IL1RAPL1: variants seen among roughly 807,000 people sequenced by gnomAD.
IL1RAPL1 encodes interleukin 1 receptor accessory protein like 1.
IL1RAPL1 carries 3 observed loss-of-function variants against 48.4 expected under a neutral mutation model. The observed-to-expected ratio is 0.06, with a 90% CI of 0.03 to 0.16. IL1RAPL1 has a LOEUF of 0.16. Ranked by LOEUF, IL1RAPL1 falls within the 10% of genes least tolerant of loss-of-function variation. The probability of loss-of-function intolerance (pLI) is 1.00; values close to 1 mark genes in which losing one functional copy is unlikely to be tolerated. For missense variants in IL1RAPL1, 349 were observed against 530.6 expected (o/e 0.66, Z 3.36); for synonymous variants, 185 against 187.7 (o/e 0.99, Z 0.12).
chrX:29,316,993 C>T (rs1454659586), intron 3 of IL1RAPL1, among the ~76,000 whole-genome samples: 1 of 111,147 alleles, frequency 9.0e-6, no homozygotes, highest in African/African-American at 3.3e-5. Flanking sequence ...CTTGTCATTG[C>T]CAGGAATTCA....
intron 2 of IL1RAPL1, among the ~76,000 whole-genome samples, chrX:28,864,904 A>T (rs1238812633): frequency 9.0e-6 from 1 of 110,951 alleles, no homozygotes; most frequent in Non-Finnish European, 1.9e-5. Flanking sequence ...ACCAGTAGGG[A>T]AGCTATTATA....
At chrX:28,765,285 TGGAACTTAAAGTATAAA>T (rs1479293090) in intron 1 of IL1RAPL1, among the ~76,000 whole-genome samples, 1 of 111,255 alleles carries the variant, frequency 9.0e-6, no homozygotes. Flanking sequence ...ACATGTACCT[TGGAACTTAAAGTATAAA>T]AAAAAAATTC....
intron 6 of IL1RAPL1, among the ~76,000 whole-genome samples, chrX:29,900,139 C>A (rs1433204189): frequency 9.0e-6 from 1 of 111,614 alleles, no homozygotes; most frequent in African/African-American, 3.3e-5. Flanking sequence ...CTGAGTACTT[C>A]TAATATAATG....
At chrX:28,853,667 C>T (rs1921730739) in intron 2 of IL1RAPL1, among the ~76,000 whole-genome samples, 1 of 108,375 alleles carries the variant, frequency 9.2e-6, no homozygotes, top group Non-Finnish European at 1.9e-5. Flanking sequence ...GGAAAATAAA[C>T]AGTAAAAGAA....
intron 5 of IL1RAPL1, among the ~76,000 whole-genome samples, chrX:29,467,236 A>G (rs2223495): frequency 0.015 from 1,720 of 112,640 alleles, 24 homozygotes; most frequent in African/African-American, 0.051. Context: ...TGCAAAATAA[A>G]TTAATGAAGA....
At chrX:29,358,140 A>T (rs768200097) in intron 3 of IL1RAPL1, among the ~76,000 whole-genome samples, 6 of 111,071 alleles carry the variant, frequency 5.4e-5, no homozygotes, top group Non-Finnish European at 1.1e-4. Context: ...CTTACCTTGG[A>T]GAAGGATTCT....
At chrX:29,354,071 G>A (rs17282591) in intron 3 of IL1RAPL1, among the ~76,000 whole-genome samples, 47,531 of 108,977 alleles carry the variant, frequency 0.44, 7,762 homozygotes, top group Middle Eastern at 0.6. Context: ...TTTGATGTGC[G>A]TTTTAATTGT....
chrX:29,494,239 A>AT (rs747449617), intron 5 of IL1RAPL1, among the ~76,000 whole-genome samples: 1 of 111,311 alleles, frequency 9.0e-6, no homozygotes, highest in Non-Finnish European at 1.9e-5. Context: ...GCAACATTTG[A>AT]TTTTTTTGTT....
intron 2 of IL1RAPL1, among the ~76,000 whole-genome samples, chrX:29,177,197 T>C (rs953864494): frequency 1.8e-5 from 2 of 111,643 alleles, no homozygotes. Context: ...CCATAATACA[T>C]TGTTGATGAT....
chrX:29,225,319 T>C (rs1177455812), intron 2 of IL1RAPL1, among the ~76,000 whole-genome samples: 2 of 112,202 alleles, frequency 1.8e-5, no homozygotes, highest in Non-Finnish European at 3.8e-5. Context: ...TCTAACATTG[T>C]AATGTTCCAC....
intron 2 of IL1RAPL1, among the ~76,000 whole-genome samples, chrX:28,965,964 G>A (rs1304031712): frequency 1.8e-5 from 2 of 108,776 alleles, no homozygotes; most frequent in African/African-American, 6.7e-5. Context: ...AAATACTCAC[G>A]AAGCCCTTTT....
intron 3 of IL1RAPL1, among the ~76,000 whole-genome samples, chrX:29,297,325 TATG>T (rs1263280193): frequency 1.8e-5 from 2 of 112,727 alleles, no homozygotes; most frequent in Non-Finnish European, 3.8e-5. Context: ...CCTGGACTTT[TATG>T]ATAATTTCAA....
In IL1RAPL1 at chrX:28,861,624, A is replaced by G. The variant is rs183476487; in HGVS notation, c.82+72199A>G. On this transcript the variant is annotated intron_variant, in intron 2 of 10. Coordinates refer to ENST00000378993, the MANE Select transcript of IL1RAPL1 (RefSeq NM_014271.4). The stretch of plus-strand genomic sequence containing the variant: ...GCTACATAAGAAATAGAAAAAACCT[A>G]GAAGCACAATGAAAAACATCCCGAT... Among the ~76,000 whole-genome samples, 283 of 111,548 alleles carry G rather than the reference A, an allele frequency of 2.5e-3. 2 individuals are homozygous for G. The highest frequency in any genetic ancestry group is 8.8e-3 in the African/African-American group (270 of 30,708).
At chrX:28,715,917 A>G (rs981692679) in intron 1 of IL1RAPL1, among the ~76,000 whole-genome samples, 3 of 112,081 alleles carry the variant, frequency 2.7e-5, no homozygotes, top group African/African-American at 3.2e-5. Flanking sequence ...GATAACATTG[A>G]TGCAAAAATC....
Position 29,549,539 on chromosome X carries a change from G to T in IL1RAPL1, c.704-118891G>T, listed in dbSNP as rs760138171. Among the ~76,000 whole-genome samples the T allele has an allele frequency of 7.2e-5, 8 of 111,612 alleles. No homozygotes were observed. In the East Asian group the frequency reaches 2.2e-3, roughly 31 times the overall value. On this transcript the variant is annotated intron_variant, in intron 5 of 10. Transcript: ENST00000378993. ...GTATAGGAAAAACATAGTATATATAGGCTTCAATACTGTCTGCAGTTTCAG... is the reference window on the plus strand; with the variant it reads ...GTATAGGAAAAACATAGTATATATATGCTTCAATACTGTCTGCAGTTTCAG...
At chrX:28,656,333 A>G (rs1601848654) in intron 1 of IL1RAPL1, among the ~76,000 whole-genome samples, 1 of 111,115 alleles carries the variant, frequency 9.0e-6, no homozygotes, top group Non-Finnish European at 1.9e-5. Flanking sequence ...GCACCTGTTG[A>G]ATTTGCATTT....
intron 5 of IL1RAPL1, among the ~76,000 whole-genome samples, chrX:29,643,919 T>C (rs1223253894): frequency 8.9e-6 from 1 of 112,128 alleles, no homozygotes; most frequent in African/African-American, 3.2e-5. Flanking sequence ...ACCCGCCACC[T>C]TAACTAGGTA....
In IL1RAPL1 at chrX:29,824,706, G is replaced by A. The variant is rs16988786; in HGVS notation, c.779-92758G>A. ...AAAAAGGAAGTGTCTCAGTGAAGGGGAAATTAAATGAGAGGGTTAAACGCA... is the reference window on the plus strand; with the variant it reads ...AAAAAGGAAGTGTCTCAGTGAAGGGAAAATTAAATGAGAGGGTTAAACGCA... On this transcript the variant is annotated intron_variant, in intron 6 of 10. Coordinates refer to ENST00000378993, the MANE Select transcript of IL1RAPL1 (RefSeq NM_014271.4). Among the ~76,000 whole-genome samples, 489 of 111,739 alleles carry A rather than the reference G, an allele frequency of 4.4e-3. 3 individuals carry two copies. Among genetic ancestry groups the A allele is most frequent in the African/African-American group, 0.015 (462 of 30,776 alleles).
chrX:28,909,507 T>G (rs1390801796), intron 2 of IL1RAPL1, among the ~76,000 whole-genome samples: 1 of 111,510 alleles, frequency 9.0e-6, no homozygotes, highest in Non-Finnish European at 1.9e-5. Context: ...TTATTTCCTT[T>G]TTATAAACAT....
Sources: allele counts gnomAD v4.1 joint callset (sites outside exome capture counted in the v4.1 genomes callset), GRCh38; gene constraint gnomAD v4.1.1; transcripts MANE v1.5; gene names NCBI Gene and HGNC (gene_info 2026-07-23, HGNC 2026-07-21).